TTC23: variants seen among roughly 807,000 people sequenced by gnomAD.
TTC23 encodes the protein tetratricopeptide repeat domain 23, also known as tetratricopeptide repeat protein 23.
Under a neutral mutation model 55.1 loss-of-function variants are expected in TTC23, and 58 were observed. The ratio of observed to expected loss-of-function variants is 1.05; its 90% CI spans 0.85 to 1.31. The LOEUF (loss-of-function observed/expected upper bound fraction) is 1.31. TTC23 is among the 50% of genes most tolerant of loss of function. The pLI, the probability that TTC23 is intolerant of heterozygous loss-of-function variation, is 0.00. For synonymous variants in TTC23, 203 were observed against 199.9 expected (o/e 1.02, Z -0.13); for missense variants, 516 against 534.4 (o/e 0.97, Z 0.34).
chr15:99,179,647 TTTC>T (rs2073933441), intron 9 of TTC23, among the ~76,000 whole-genome samples: 2 of 152,366 alleles, frequency 1.3e-5, no homozygotes, highest in South Asian at 4.1e-4. Context: ...GATTTTCAAG[TTTC>T]TTTTCTGGAG....
chr15:99,138,049 G>T lies in TTC23; in HGVS notation c.1305C>A (p.Thr435=), dbSNP rs371393167. 18 of 1,614,046 alleles carry T rather than the reference G, an allele frequency of 1.1e-5. No homozygotes were observed. The highest frequency in any genetic ancestry group is 1.5e-5 in the Non-Finnish European group (18 of 1,180,008). ...VAFCTSIPQD[T]LLGKARPGTT... is the part of the protein sequence containing the mutation. ...TGCCGGGCCGGGCCTTCCCCAGCAGGGTGTCCTGAGGGATGCTGGTGCAGA... is the reference window on the plus strand; with the variant it reads ...TGCCGGGCCGGGCCTTCCCCAGCAGTGTGTCCTGAGGGATGCTGGTGCAGA... The change falls in exon 14 of 14, where the codon ACC becomes ACA. Residue 435 remains threonine (T), a synonymous_variant. Coordinates refer to ENST00000394132, the MANE Select transcript of TTC23 (RefSeq NM_001288615.3).
intron 8 of TTC23, among the ~76,000 whole-genome samples, chr15:99,205,183 C>T (rs192948272): frequency 6.6e-6 from 1 of 152,210 alleles, no homozygotes; most frequent in African/African-American, 2.4e-5. Flanking sequence ...CAGTATCATG[C>T]TGTTTTGGTG....
intron 12 of TTC23, among the ~76,000 whole-genome samples, chr15:99,154,538 A>G (rs2070286280): frequency 6.6e-6 from 1 of 152,148 alleles, no homozygotes; most frequent in Non-Finnish European, 1.5e-5. Flanking sequence ...CTGCCAAGGG[A>G]TGATGCAGCA....
At chr15:99,191,704 TC>T (rs1390052678) in intron 9 of TTC23, among the ~76,000 whole-genome samples, 8 of 152,174 alleles carry the variant, frequency 5.3e-5, no homozygotes, top group African/African-American at 1.9e-4. Context: ...TATGTCTTCA[TC>T]AGCAGCATGA....
chr15:99,162,862 T>G (rs2071559441), intron 10 of TTC23, among the ~76,000 whole-genome samples: 1 of 152,076 alleles, frequency 6.6e-6, no homozygotes, highest in African/African-American at 2.4e-5. Context: ...GGAGGATCGC[T>G]TGAGCCTGGA....
intron 9 of TTC23, among the ~76,000 whole-genome samples, chr15:99,181,589 C>T (rs2074121466): frequency 6.6e-6 from 1 of 152,140 alleles, no homozygotes; most frequent in African/African-American, 2.4e-5. Flanking sequence ...GCCTTTTCAC[C>T]CTGCCAAAAC....
intron 9 of TTC23, among the ~76,000 whole-genome samples, chr15:99,179,472 G>C (rs1392304870): frequency 6.6e-6 from 1 of 152,182 alleles, no homozygotes; most frequent in Non-Finnish European, 1.5e-5. Flanking sequence ...TAAAAAATGG[G>C]GAACCACCTA....
chr15:99,168,059 G>C (rs1452503497), intron 10 of TTC23, among the ~76,000 whole-genome samples: 1 of 152,194 alleles, frequency 6.6e-6, no homozygotes, highest in Non-Finnish European at 1.5e-5. Context: ...AAGCCCGGAA[G>C]AGACTCCTTC....
chr15:99,146,131 A>G (rs79949694), intron 12 of TTC23, among the ~76,000 whole-genome samples: 13,053 of 152,318 alleles, frequency 0.086, 766 homozygotes, highest in East Asian at 0.29. Flanking sequence ...ATCCTTCTCC[A>G]CAACGACTGC....
chr15:99,214,273 C>T (rs992076569), intron 8 of TTC23, among the ~76,000 whole-genome samples: 7 of 151,824 alleles, frequency 4.6e-5, no homozygotes, highest in Admixed American at 2.0e-4. Flanking sequence ...TTTGGGAGGC[C>T]GAGGTGGGCA....
chr15:99,181,486 C>A (rs2074111552), intron 9 of TTC23, among the ~76,000 whole-genome samples: 1 of 152,090 alleles, frequency 6.6e-6, no homozygotes, highest in South Asian at 2.1e-4. Flanking sequence ...CAAGTTTGTG[C>A]CTTAATTCAA....
At chr15:99,221,478 C>T (rs1256117380) in intron 6 of TTC23, among the ~76,000 whole-genome samples, 1 of 152,004 alleles carries the variant, frequency 6.6e-6, no homozygotes, top group Non-Finnish European at 1.5e-5. Flanking sequence ...GATTAATTTT[C>T]TCCTAAGAAC....
chr15:99,161,088 G>A (rs1182557967), intron 11 of TTC23: 5 of 150,944 alleles, frequency 3.3e-5, no homozygotes, highest in Admixed American at 2.6e-4. Flanking sequence ...AAGAGGGTGT[G>A]GGCATACATG....
chr15:99,192,346 G>A (rs2075313239), intron 9 of TTC23, among the ~76,000 whole-genome samples: 1 of 152,160 alleles, frequency 6.6e-6, no homozygotes, highest in Non-Finnish European at 1.5e-5. Context: ...CACAGGCCTG[G>A]AGGCTTAGGA....
intron 8 of TTC23, among the ~76,000 whole-genome samples, chr15:99,201,469 T>A (rs2151996915): frequency 6.6e-6 from 1 of 152,218 alleles, no homozygotes. Flanking sequence ...GCTAAAAGAC[T>A]ACAAAAAATA....
chr15:99,247,855 G>A (rs2080392865), intron 1 of TTC23, among the ~76,000 whole-genome samples: 1 of 151,596 alleles, frequency 6.6e-6, no homozygotes, highest in Non-Finnish European at 1.5e-5. Flanking sequence ...TTGGAATGTG[G>A]TGATGGTTGT....
chr15:99,147,238 T>C (rs1422560883), intron 12 of TTC23, among the ~76,000 whole-genome samples: 4 of 144,886 alleles, frequency 2.8e-5, no homozygotes, highest in Non-Finnish European at 6.0e-5. Flanking sequence ...TTTTTTTTTT[T>C]TTTTTGAGAC....
Position 99,228,558 on chromosome 15 carries a change from G to T in TTC23, c.155C>A (p.Ala52Glu), listed in dbSNP as rs752721163. Reference protein sequence around the residue: ...REKLHLCEEKAKSYSNSHEYK... With the variant: ...REKLHLCEEKEKSYSNSHEYK... ...CTCATGACTGTTGGAATAGGACTTTGCTTTCTCTTCACAGAGGTGGAGTTT... is the reference window on the plus strand; with the variant it reads ...CTCATGACTGTTGGAATAGGACTTTTCTTTCTCTTCACAGAGGTGGAGTTT... The change falls in exon 5 of 14, where the codon GCA (alanine) becomes GAA (glutamate). Residue 52 changes from alanine to glutamate, a missense_variant. Transcript: ENST00000394132. 48 of 1,612,830 alleles carry T rather than the reference G, an allele frequency of 3.0e-5. No homozygotes were observed. The highest frequency in any genetic ancestry group is 5.5e-5 in the South Asian group (5 of 90,902).
chr15:99,149,012 G>A (rs1555495512), intron 12 of TTC23, among the ~76,000 whole-genome samples: 1 of 152,178 alleles, frequency 6.6e-6, no homozygotes, highest in African/African-American at 2.4e-5. Context: ...CTGTTCAGTG[G>A]GTTCCTGCTG....
Sources: allele counts gnomAD v4.1 joint callset (sites outside exome capture counted in the v4.1 genomes callset), GRCh38; gene constraint gnomAD v4.1.1; transcripts MANE v1.5; gene names NCBI Gene and HGNC (gene_info 2026-07-23, HGNC 2026-07-21).